ADGRB3: variants seen among roughly 807,000 people sequenced by gnomAD.
ADGRB3 encodes the protein adhesion G protein-coupled receptor B3.
Under a neutral mutation model 193.4 loss-of-function variants are expected in ADGRB3, and 37 were observed. That is an observed-to-expected ratio of 0.19 (90% CI 0.15 to 0.25). The LOEUF (loss-of-function observed/expected upper bound fraction) is 0.25. Among genes scored for constraint, ADGRB3 ranks in the 10% least tolerant of loss-of-function variants. ADGRB3 has a pLI of 1.00. For synonymous variants in ADGRB3, 690 were observed against 644.2 expected (o/e 1.07, Z -1.08); for missense variants, 1,637 against 1,852.9 (o/e 0.88, Z 2.14).
Position 68,913,914 on chromosome 6 carries a change from G to A in ADGRB3, c.758-16645G>A, listed in dbSNP as rs575262460. On this transcript the variant is annotated intron_variant, in intron 3 of 31. Transcript: ENST00000370598. ...GAAGAATGCAGAAGCCTCAGGAGCC[G>A]ATGCGATCAACTGGAAGAAAGGGTA... Among the ~76,000 whole-genome samples the A allele has an allele frequency of 1.4e-3, 214 of 151,880 alleles. 2 individuals carry two copies. Among genetic ancestry groups the A allele is most frequent in the African/African-American group, 5.1e-3 (210 of 41,404 alleles).
chr6:68,643,037 T>C (rs568011660), intron 3 of ADGRB3, among the ~76,000 whole-genome samples: 1 of 152,260 alleles, frequency 6.6e-6, no homozygotes, highest in South Asian at 2.1e-4. Flanking sequence ...AAAACAGTTT[T>C]GGCAGAAAAA....
chr6:69,057,591 G>A (rs1771581350), intron 15 of ADGRB3, among the ~76,000 whole-genome samples: 1 of 151,878 alleles, frequency 6.6e-6, no homozygotes, highest in Admixed American at 6.6e-5. Flanking sequence ...CCTTTGCTAT[G>A]TTGAGATAAT....
At chr6:69,316,891 CA>C (rs1768324285) in intron 20 of ADGRB3, among the ~76,000 whole-genome samples, 2 of 151,372 alleles carry the variant, frequency 1.3e-5, no homozygotes, top group African/African-American at 4.8e-5. Context: ...GTTGGTTGAA[CA>C]TAGAAACTTA....
chr6:68,762,215 T>A (rs1766405631), intron 3 of ADGRB3, among the ~76,000 whole-genome samples: 2 of 152,132 alleles, frequency 1.3e-5, no homozygotes, highest in South Asian at 4.1e-4. Flanking sequence ...CCTTCTCTTT[T>A]CCCCCTTCTT....
At chr6:68,938,924 A>G (rs1185456565) in intron 5 of ADGRB3, among the ~76,000 whole-genome samples, 1 of 152,210 alleles carries the variant, frequency 6.6e-6, no homozygotes, top group African/African-American at 2.4e-5. Flanking sequence ...CTTTCAACAT[A>G]CAGGGATAGT....
intron 17 of ADGRB3, chr6:69,232,386 G>A (rs1041324946): frequency 2.8e-5 from 39 of 1,413,394 alleles, no homozygotes; most frequent in Non-Finnish European, 3.5e-5. Flanking sequence ...TTATTGTTCT[G>A]CTGGGGTGGG....
At chr6:68,774,129 C>T (rs1270905251) in intron 3 of ADGRB3, among the ~76,000 whole-genome samples, 1 of 146,702 alleles carries the variant, frequency 6.8e-6, no homozygotes, top group African/African-American at 2.6e-5. Flanking sequence ...TTTAAAAGTT[C>T]ATAAAACTTA....
chr6:69,227,947 C>T (rs536611925), intron 17 of ADGRB3, among the ~76,000 whole-genome samples: 3 of 152,174 alleles, frequency 2.0e-5, no homozygotes, highest in African/African-American at 7.2e-5. Flanking sequence ...AAAAGTTATC[C>T]ATTAAAAGGT....
intron 20 of ADGRB3, among the ~76,000 whole-genome samples, chr6:69,301,415 G>T (rs1767946218): frequency 6.6e-6 from 1 of 151,798 alleles, no homozygotes; most frequent in Non-Finnish European, 1.5e-5. Context: ...AGCTCAAGTG[G>T]TACTAGTATC....
intron 3 of ADGRB3, among the ~76,000 whole-genome samples, chr6:68,754,337 G>A (rs1007134307): frequency 1.4e-4 from 22 of 152,106 alleles, no homozygotes; most frequent in African/African-American, 5.3e-4. Context: ...GAAATCAGAG[G>A]GGCAGGGAGT....
chr6:68,808,564 G>C (rs1180804952), intron 3 of ADGRB3, among the ~76,000 whole-genome samples: 1 of 151,828 alleles, frequency 6.6e-6, no homozygotes, highest in Non-Finnish European at 1.5e-5. Context: ...GCTATGAATG[G>C]ATAAAATGGA....
chr6:68,804,212 A>G (rs767605860), intron 3 of ADGRB3, among the ~76,000 whole-genome samples: 1 of 152,198 alleles, frequency 6.6e-6, no homozygotes, highest in Non-Finnish European at 1.5e-5. Context: ...TCAAAATGTC[A>G]TGCACATTTA....
chr6:69,040,244 A>G (rs947352453), intron 13 of ADGRB3, among the ~76,000 whole-genome samples: 5 of 151,216 alleles, frequency 3.3e-5, no homozygotes, highest in African/African-American at 1.2e-4. Flanking sequence ...ATGCATCAGA[A>G]TCCTGTCTTC....
intron 3 of ADGRB3, among the ~76,000 whole-genome samples, chr6:68,721,710 C>T (rs1274380824): frequency 6.7e-6 from 1 of 148,588 alleles, no homozygotes; most frequent in Non-Finnish European, 1.5e-5. Context: ...TAATAAAGCG[C>T]TCTGGTCTCC....
chr6:69,034,759 G>A (rs1043099029), intron 13 of ADGRB3, among the ~76,000 whole-genome samples: 2 of 151,514 alleles, frequency 1.3e-5, no homozygotes, highest in Admixed American at 6.6e-5. Context: ...GTTTTAAAAG[G>A]AGTCAAAACC....
At chr6:69,043,334 G>GGAAGAAAGAA in intron 13 of ADGRB3, among the ~76,000 whole-genome samples, 1 of 110,048 alleles carries the variant, frequency 9.1e-6, no homozygotes, top group African/African-American at 3.2e-5. Flanking sequence ...GAAAGAAAGA[G>GGAAGAAAGAA]AAAGAAAAGA....
intron 26 of ADGRB3, among the ~76,000 whole-genome samples, chr6:69,347,592 C>T (rs994840889): frequency 4.4e-4 from 67 of 151,858 alleles, no homozygotes; most frequent in African/African-American, 1.5e-3. Flanking sequence ...GCCTGGGCAA[C>T]ACAGTGAGAC....
intron 17 of ADGRB3, among the ~76,000 whole-genome samples, chr6:69,207,711 T>C (rs58741966): frequency 1.9e-3 from 289 of 152,292 alleles, no homozygotes; most frequent in African/African-American, 6.5e-3. Flanking sequence ...TTTCTATCTA[T>C]CCAGCTGCTT....
At position 69,048,276 on chromosome 6, in the gene ADGRB3, A is replaced by G; in HGVS notation, c.2199A>G (p.Arg733=). ...GGAAGGGAATGGTTGACTGGGCAAG[A>G]AACTCAGAAGATAGGGTAGTAATTC... is the stretch of plus-strand genomic sequence containing the variant. ...KGRKGMVDWA[R]NSEDRVVIPK... Residue 733 remains arginine, a synonymous_variant, in exon 14 of 32, where the codon AGA becomes AGG. Coordinates refer to ENST00000370598, the MANE Select transcript of ADGRB3 (RefSeq NM_001704.3). 6.2e-7 allele frequency: 1 copy of G among 1,613,782 alleles called. No homozygotes were observed. The highest frequency in any genetic ancestry group is 8.5e-7 in the Non-Finnish European group (1 of 1,179,760).
Sources: allele counts gnomAD v4.1 joint callset (sites outside exome capture counted in the v4.1 genomes callset), GRCh38; gene constraint gnomAD v4.1.1; transcripts MANE v1.5; gene names NCBI Gene and HGNC (gene_info 2026-07-23, HGNC 2026-07-21).